Variants in LGSN observed in about 807,000 individuals in gnomAD.
The protein encoded by LGSN is lengsin, lens protein with glutamine synthetase domain.
Under a neutral mutation model 19.5 loss-of-function variants are expected in LGSN, and 21 were observed. The ratio of observed to expected loss-of-function variants is 1.07; its 90% CI spans 0.76 to 1.55. The LOEUF (loss-of-function observed/expected upper bound fraction) is 1.55. Among genes scored for constraint, LGSN ranks in the 40% most tolerant of loss-of-function variants. LGSN has a pLI of 0.00. For missense variants in LGSN, 673 were observed against 608.5 expected, an observed-to-expected ratio of 1.11 and a Z score of -1.12; for synonymous variants, 257 against 215.6, an observed-to-expected ratio of 1.19 and a Z score of -1.68.
the LGSN span, among the ~76,000 whole-genome samples, chr6:63,519,775 T>C: frequency 6.6e-6 from 1 of 152,244 alleles, no homozygotes; most frequent in Non-Finnish European, 1.5e-5. Context: ...CTATTACACT[T>C]GACTTGCAAA....
the LGSN span, among the ~76,000 whole-genome samples, chr6:63,474,662 C>T: frequency 6.6e-6 from 1 of 151,680 alleles, no homozygotes; most frequent in Non-Finnish European, 1.5e-5. Context: ...TGGCTCACGC[C>T]TGTAATCCCA....
the LGSN span, among the ~76,000 whole-genome samples, chr6:63,336,056 T>A: frequency 6.6e-6 from 1 of 151,864 alleles, no homozygotes; most frequent in Non-Finnish European, 1.5e-5. Flanking sequence ...AAGACAGATA[T>A]CGCAAACTGG....
At chr6:63,529,524 TC>T in the LGSN span, among the ~76,000 whole-genome samples, 2 of 152,256 alleles carry the variant, frequency 1.3e-5, no homozygotes, top group South Asian at 4.2e-4. Context: ...AACCTAGCCT[TC>T]CTTTTCTACC....
the LGSN span, among the ~76,000 whole-genome samples, chr6:63,432,179 G>GGGAAAGAAAGAAAAGAAAAGAAAAGA: frequency 3.2e-4 from 36 of 113,650 alleles, 1 homozygote; most frequent in South Asian, 1.2e-3. Context: ...GAAAAGGAAA[G>GGGAAAGAAAGAAAAGAAAAGAAAAGA]AAAGAAAAGA....
At chr6:63,298,589 A>G (rs552861543) in intron 1 of LGSN, among the ~76,000 whole-genome samples, 2 of 152,332 alleles carry the variant, frequency 1.3e-5, no homozygotes, top group African/African-American at 2.4e-5. Flanking sequence ...CCAATTTTCA[A>G]TATAAAAATG....
the LGSN span, among the ~76,000 whole-genome samples, chr6:63,342,273 C>A: frequency 1.8e-4 from 28 of 152,308 alleles, no homozygotes; most frequent in East Asian, 5.4e-3. Context: ...CAATTTGATT[C>A]TGTCACTGAG....
chr6:63,539,272 C>G, the LGSN span, among the ~76,000 whole-genome samples: 14 of 152,130 alleles, frequency 9.2e-5, no homozygotes, highest in East Asian at 2.1e-3. Context: ...GTAATATTAA[C>G]AAAGAGATAA....
intron 1 of LGSN, among the ~76,000 whole-genome samples, chr6:63,317,884 C>T (rs1768925911): frequency 6.6e-6 from 1 of 152,154 alleles, no homozygotes; most frequent in African/African-American, 2.4e-5. Flanking sequence ...TTATAAATAT[C>T]TGCAGGGTGG....
chr6:63,494,141 G>A, the LGSN span, among the ~76,000 whole-genome samples: 1 of 152,006 alleles, frequency 6.6e-6, no homozygotes, highest in Non-Finnish European at 1.5e-5. Flanking sequence ...GTAGAGATGA[G>A]GTTTCACCAT....
chr6:63,374,968 T>C, the LGSN span, among the ~76,000 whole-genome samples: 8 of 152,302 alleles, frequency 5.3e-5, no homozygotes, highest in East Asian at 1.3e-3. Flanking sequence ...ATAATAAACA[T>C]GTTAGGAAAA....
At chr6:63,497,301 C>T in the LGSN span, among the ~76,000 whole-genome samples, 1 of 152,118 alleles carries the variant, frequency 6.6e-6, no homozygotes, top group African/African-American at 2.4e-5. Flanking sequence ...GTAATCCCTG[C>T]ACTTTGGGAG....
At chr6:63,451,838 C>T in the LGSN span, among the ~76,000 whole-genome samples, 3 of 152,018 alleles carry the variant, frequency 2.0e-5, no homozygotes, top group South Asian at 4.1e-4. Flanking sequence ...CACAATTTTT[C>T]GTCTGTTGAT....
At chr6:63,404,857 A>T in the LGSN span, among the ~76,000 whole-genome samples, 1 of 152,104 alleles carries the variant, frequency 6.6e-6, no homozygotes, top group Non-Finnish European at 1.5e-5. Flanking sequence ...CACAATGTGC[A>T]GGTTAGTTAC....
the LGSN span, among the ~76,000 whole-genome samples, chr6:63,513,910 CAAAA>C: frequency 1.9e-4 from 2 of 10,682 alleles, no homozygotes; most frequent in Admixed American, 1.2e-3. Context: ...GACTTCATCT[CAAAA>C]AAAAAAAAAA....
the LGSN span, among the ~76,000 whole-genome samples, chr6:63,406,073 T>G: frequency 6.6e-6 from 1 of 152,058 alleles, no homozygotes; most frequent in Non-Finnish European, 1.5e-5. Flanking sequence ...CACACAATAA[T>G]AATGGGAGAC....
chr6:63,365,147 G>A, the LGSN span, among the ~76,000 whole-genome samples: 2 of 152,124 alleles, frequency 1.3e-5, no homozygotes, highest in Admixed American at 6.6e-5. Context: ...GAATCCAGGA[G>A]CTGGTTTTTT....
chr6:63,511,971 G>A, the LGSN span, among the ~76,000 whole-genome samples: 3 of 152,178 alleles, frequency 2.0e-5, no homozygotes, highest in Non-Finnish European at 2.9e-5. Context: ...TAAAAGTGGT[G>A]AAACTGTAAG....
chr6:63,454,740 G>A, the LGSN span, among the ~76,000 whole-genome samples: 3 of 150,202 alleles, frequency 2.0e-5, no homozygotes, highest in African/African-American at 7.3e-5. Context: ...GAAGTGCTGG[G>A]ATTACAGGCG....
At chr6:63,512,477 C>T in the LGSN span, among the ~76,000 whole-genome samples, 4 of 152,284 alleles carry the variant, frequency 2.6e-5, no homozygotes, top group Non-Finnish European at 5.9e-5. Context: ...ACATGAAGAC[C>T]TAGAATCATT....
Sources: gnomAD v4.1 joint callset for allele counts (sites outside exome capture counted in the v4.1 genomes callset) on GRCh38, gnomAD v4.1.1 for gene constraint, MANE v1.5 for transcripts, NCBI Gene and HGNC (gene_info 2026-07-23, HGNC 2026-07-21) for gene names.